The following PCYT2 variants were observed in gnomAD, a reference collection of about 807,000 sequenced individuals.
The protein encoded by PCYT2 is ethanolamine-phosphate cytidylyltransferase.
Under a neutral mutation model 50.0 loss-of-function variants are expected in PCYT2, and 33 were observed. The ratio of observed to expected loss-of-function variants is 0.66; its 90% confidence interval spans 0.50 to 0.88. The LOEUF is 0.88. Ranked by LOEUF, PCYT2 falls within the 40% of genes least tolerant of loss-of-function variation. The pLI is 0.00. For missense variants in PCYT2, 430 were observed against 519.7 expected (o/e 0.83, Z 1.68); for synonymous variants, 240 against 203.7 (o/e 1.18, Z -1.52).
rs1287742345 is a variant in PCYT2, at chr17:81,911,281, C to T, written c.75G>A (p.Val25=). 31 of 1,129,784 alleles carry T rather than the reference C, an allele frequency of 2.7e-5. 1 individual carries two copies. The East Asian group carries it at 2.1e-3, about 78-fold the overall frequency. The allele number at this position is 1,129,784 out of a possible 1,614,324, so 70.0% of individuals were successfully genotyped here. A position where few individuals can be genotyped will look rare whatever the true frequency, so the allele number is the denominator to read the frequency against. Residue 25 remains valine, a synonymous_variant, in exon 1 of 13, where the codon GTG becomes GTA. Transcript: ENST00000538936. ...CCCGCGCTCACCAGCCATCGCACCA[C>T]ACCCTCACGGCGCGCCTGCCCCCCG... ...PGPGGRRAVR[V]WCDGCYDMVH... is the part of the protein sequence containing the mutation.
intron 1 of PCYT2, among the ~76,000 whole-genome samples, 199 bp from the exon 2 acceptor site, chr17:81,909,801 G>A (rs535759383): frequency 5.9e-5 from 9 of 152,188 alleles, no homozygotes; most frequent in Admixed American, 3.9e-4. Context: ...GCCTGACGGT[G>A]GGACCCCTGT....
In PCYT2 at chr17:81,903,983, G is replaced by A. The variant is rs1244842795; in HGVS notation, c.*850C>T. The stretch of plus-strand genomic sequence containing the variant: ...GGCGGGCCGTGACAGGGGTGTGGGA[G>A]ACAGAGATCCCATGGCCCCTGGAGG... On this transcript the variant is annotated 3_prime_UTR_variant, in exon 13 of 13. Coordinates refer to ENST00000538936, the MANE Select transcript of PCYT2 (RefSeq NM_002861.5). The A allele has an allele frequency of 2.0e-5, 3 of 152,302 alleles. No homozygotes were observed. The highest frequency in any genetic ancestry group is 2.4e-5 in the African/African-American group (1 of 41,472). 9.4% of individuals were successfully genotyped at this position (152,302 alleles called of 1,614,324 possible).
rs1222114417 is a variant in PCYT2, at chr17:81,904,761, C to T, written c.*72G>A. The T allele has an allele frequency of 1.9e-6, 2 of 1,028,308 alleles. No homozygotes were observed. Among genetic ancestry groups the T allele is most frequent in the Non-Finnish European group, 2.9e-6 (2 of 697,104 alleles). 63.7% of individuals were successfully genotyped at this position (1,028,308 alleles called of 1,614,324 possible). A position where few individuals can be genotyped will look rare whatever the true frequency, so the allele number is the denominator to read the frequency against. ...AGGCCAGTTAGAGAGGGCGGCCCTG[C>T]AGAGTCCTATGTCCAAACGCAGAAG... On this transcript the variant is annotated 3_prime_UTR_variant, in exon 13 of 13. Transcript: ENST00000538936.
At position 81,911,333 on chromosome 17, in the gene PCYT2, G is replaced by A. The variant is rs2040595969; in HGVS notation, c.23C>T (p.Ala8Val). 4 of 1,108,202 alleles carry A rather than the reference G, an allele frequency of 3.6e-6. No individual in the cohort carries two copies. The South Asian group carries it at 7.1e-5, about 20-fold the overall frequency. The allele number at this position is 1,108,202 out of a possible 1,614,324, so 68.6% of individuals were successfully genotyped here. Reference protein sequence around the residue: MIRNGRGAAGGAEQPGPG... With the variant: MIRNGRGVAGGAEQPGPG... Reference sequence around the variant, plus strand: ...GCCCGGCTGCTCTGCGCCGCCTGCAGCCCCGCGCCCGTTCCGGATCATGGC... The same window carrying A: ...GCCCGGCTGCTCTGCGCCGCCTGCAACCCCGCGCCCGTTCCGGATCATGGC... Residue 8 changes from alanine to valine, a missense_variant, in exon 1 of 13, where the codon GCT becomes GTT. Physicochemically the swap from Ala to Val is moderately conservative, Grantham distance 64. Transcript: ENST00000538936.
intron 6 of PCYT2, 171 bp from the exon 7 acceptor site, chr17:81,907,069 C>T: frequency 9.5e-7 from 1 of 1,048,010 alleles, no homozygotes; most frequent in Non-Finnish European, 1.4e-6. Context: ...GGCGCCACCC[C>T]ACAACCACAG....
chr17:81,902,685 G>T lies in PCYT2; in HGVS notation c.*2148C>A. On this transcript the variant is annotated 3_prime_UTR_variant, in exon 13 of 13. Coordinates refer to ENST00000538936, the MANE Select transcript of PCYT2 (RefSeq NM_002861.5). ...GCGAGCGGCTCCCCGACGGCCGCGG[G>T]ACCTACCAGTGCAAGGCGAACGTCT... is the stretch of plus-strand genomic sequence containing the variant. 1.9e-6 allele frequency: 3 copies of T among 1,608,862 alleles called. No individual in the cohort carries two copies. The highest frequency in any genetic ancestry group is 2.5e-6 in the Non-Finnish European group (3 of 1,178,834).
At chr17:81,911,003 C>T (rs2040568256) in intron 1 of PCYT2, 6 of 994,966 alleles carry the variant, frequency 6.0e-6, no homozygotes, top group Middle Eastern at 2.8e-4. Context: ...GGCTCCAGAT[C>T]TCAGCGCGGT....
At position 81,905,434 on chromosome 17, in the gene PCYT2, C is replaced by A. The variant is rs144302050; in HGVS notation, c.917G>T (p.Cys306Phe). The A allele has an allele frequency of 6.4e-7, 1 of 1,566,660 alleles. No homozygotes were observed. Among genetic ancestry groups the A allele is most frequent in the Non-Finnish European group, 8.7e-7 (1 of 1,155,602 alleles). The change falls in exon 11 of 13, where the codon TGT becomes TTT. Residue 306 changes from cysteine to phenylalanine, a missense_variant. Physicochemically the swap from Cys to Phe is radical, Grantham distance 205. This residue lies in a region of PCYT2 where 248 missense variants were observed against 300.2 expected (regional missense o/e 0.83). Coordinates refer to ENST00000538936, the MANE Select transcript of PCYT2 (RefSeq NM_002861.5). ...AGGGATAATTTCTGTCTTGCCGTGA[C>A]ACACCAGGTCCACCTGGAGAAGGAG... is the stretch of plus-strand genomic sequence containing the variant. ...LLSHFKVDLV[C>F]HGKTEIIPDR...
Position 81,902,297 on chromosome 17 carries a change from T to C in PCYT2, c.*2536A>G, listed in dbSNP as rs2039982796. On this transcript the variant is annotated 3_prime_UTR_variant, in exon 13 of 13. Coordinates refer to ENST00000538936, the MANE Select transcript of PCYT2 (RefSeq NM_002861.5). ...GTCCCCATGGCCCGGTCCGCGACAC[T>C]GGCGGCCGCCGCCCTGGCGCTGTGC... 1.5e-6 allele frequency: 2 copies of C among 1,322,728 alleles called. No individual in the cohort carries two copies. The highest frequency in any genetic ancestry group is 1.9e-6 in the Non-Finnish European group (2 of 1,043,466). The allele number at this position is 1,322,728 out of a possible 1,614,324, so 81.9% of individuals were successfully genotyped here. A position where few individuals can be genotyped will look rare whatever the true frequency, so the allele number is the denominator to read the frequency against.
chr17:81,904,774 C>T lies in PCYT2; in HGVS notation c.*59G>A, dbSNP rs2040147432. 5 of 1,209,942 alleles carry T rather than the reference C, an allele frequency of 4.1e-6. No individual in the cohort carries two copies. Among genetic ancestry groups the T allele is most frequent in the Non-Finnish European group, 5.9e-6 (5 of 846,652 alleles). 75.0% of individuals were successfully genotyped at this position (1,209,942 alleles called of 1,614,324 possible). ...AGGGCGGCCCTGCAGAGTCCTATGT[C>T]CAAACGCAGAAGGCGCAGAAGCAGA... On this transcript the variant is annotated 3_prime_UTR_variant, in exon 13 of 13. Coordinates refer to ENST00000538936, the MANE Select transcript of PCYT2 (RefSeq NM_002861.5).
In PCYT2 at chr17:81,905,092, G is replaced by A; in HGVS notation, c.1032C>T (p.Leu344=). 6.2e-7 allele frequency: 1 copy of A among 1,613,030 alleles called. No individual in the cohort carries two copies. The highest frequency in any genetic ancestry group is 2.2e-5 in the East Asian group (1 of 44,880). Residue 344 remains leucine, a synonymous_variant, in exon 12 of 13, where the codon CTC becomes CTT. Coordinates refer to ENST00000538936, the MANE Select transcript of PCYT2 (RefSeq NM_002861.5). ...TGTTGGTGATGATCCGCTGGACGAT[G>A]AGGTCTGTGGTGAGGTTGCTGCCAC... is the stretch of plus-strand genomic sequence containing the variant. ...IDSGSNLTTD[L]IVQRIITNRL...
At position 81,911,391 on chromosome 17, in the gene PCYT2, C is replaced by A. The variant is rs1268687270; in HGVS notation, c.-36G>T. 4 of 997,182 alleles carry A rather than the reference C, an allele frequency of 4.0e-6. No homozygotes were observed. The African/African-American group carries it at 5.3e-5, about 13-fold the overall frequency. The allele number at this position is 997,182 out of a possible 1,614,324, so 61.8% of individuals were successfully genotyped here. A position where few individuals can be genotyped will look rare whatever the true frequency, so the allele number is the denominator to read the frequency against. On this transcript the variant is annotated 5_prime_UTR_variant, in exon 1 of 13. Transcript: ENST00000538936. ...CGGCGGCGCGGACAGCCTGGCAGCT[C>A]CCGGCGACTCCGAGCGCCGCCGCCC...
In PCYT2 at chr17:81,900,988, G is replaced by A. The variant is rs1353243964; in HGVS notation, c.*3845C>T. On this transcript the variant is annotated 3_prime_UTR_variant, in exon 13 of 13. Transcript: ENST00000538936. ...AGTATATATGAAGAGTTTATTGGGAGTATTGACTCACGTGATCACAAGGTG... is the reference window on the plus strand; with the variant it reads ...AGTATATATGAAGAGTTTATTGGGAATATTGACTCACGTGATCACAAGGTG... 1 of 152,220 alleles carries A rather than the reference G, an allele frequency of 6.6e-6. No individual in the cohort carries two copies. The highest frequency in any genetic ancestry group is 1.5e-5 in the Non-Finnish European group (1 of 68,038). 9.4% of individuals were successfully genotyped at this position (152,220 alleles called of 1,614,324 possible). A position where few individuals can be genotyped will look rare whatever the true frequency, so the allele number is the denominator to read the frequency against.
At chr17:81,905,308 G>T in intron 11 of PCYT2, 74 bp downstream of exon 11, 1 of 1,409,192 alleles carries the variant, frequency 7.1e-7, no homozygotes, top group Non-Finnish European at 9.8e-7. Context: ...TCCCAGGCAG[G>T]CACAGTGAGT....
chr17:81,905,549 C>T, intron 10 of PCYT2, 102 bp from the exon 11 acceptor site: 4 of 1,435,984 alleles, frequency 2.8e-6, no homozygotes, highest in African/African-American at 2.8e-5. Context: ...TGACCCTGCC[C>T]TTTCCTCAGC....
Position 81,902,642 on chromosome 17 carries a change from C to T in PCYT2, c.*2191G>A, listed in dbSNP as rs754185239. On this transcript the variant is annotated 3_prime_UTR_variant, in exon 13 of 13. Transcript: ENST00000538936. ...CAGGCTGTGTGCGTCCAGGACGTCG[C>T]CCCAAACCTGCAGAGGTGCGAGCGG... is the stretch of plus-strand genomic sequence containing the variant. The T allele has an allele frequency of 3.1e-6, 5 of 1,602,838 alleles. No homozygotes were observed. The African/African-American group carries it at 6.7e-5, about 22-fold the overall frequency.
intron 2 of PCYT2, 180 bp downstream of exon 2, chr17:81,909,334 A>G: frequency 2.8e-6 from 4 of 1,434,028 alleles, no homozygotes; most frequent in Non-Finnish European, 3.7e-6. Context: ...GGGACAGGAA[A>G]TGCAAGATGG....
chr17:81,905,250 G>T (rs561742335), intron 11 of PCYT2, 96 bp from the exon 12 acceptor site: 3 of 1,337,716 alleles, frequency 2.2e-6, no homozygotes, highest in East Asian at 5.0e-5. Flanking sequence ...AGCGCCCAGG[G>T]TCCCATGGGA....
chr17:81,905,992 T>C, intron 9 of PCYT2, 108 bp downstream of exon 9: 1 of 989,064 alleles, frequency 1.0e-6, no homozygotes, highest in Non-Finnish European at 1.5e-6. Flanking sequence ...TGGGTGCAGC[T>C]CTGCCAGTGA....
Sources: gnomAD v4.1 joint callset for allele counts (sites outside exome capture counted in the v4.1 genomes callset) on GRCh38, gnomAD v4.1.1 for gene constraint, gnomAD v4.1.1 regional missense constraint, MANE v1.5 for transcripts, NCBI Gene and HGNC (gene_info 2026-07-23, HGNC 2026-07-21) for gene names.